TLN2: variants seen among roughly 807,000 people sequenced by gnomAD.
TLN2 encodes the protein talin 2.
Under a neutral mutation model 294.7 loss-of-function variants are expected in TLN2, and 118 were observed. The observed-to-expected ratio is 0.40, with a 90% confidence interval of 0.34 to 0.47. TLN2 has a LOEUF of 0.47. Among genes scored for constraint, TLN2 ranks in the 20% least tolerant of loss-of-function variants. The pLI, the probability that TLN2 is intolerant of heterozygous loss-of-function variation, is 0.84. For missense variants in TLN2, 3,083 were observed against 3,282.2 expected (o/e 0.94, Z 1.48); for synonymous variants, 1,431 against 1,304.5 (o/e 1.10, Z -2.09).
intron 11 of TLN2, among the ~76,000 whole-genome samples, chr15:62,679,972 A>T (rs2056661060): frequency 6.6e-6 from 1 of 152,184 alleles, no homozygotes; most frequent in African/African-American, 2.4e-5. Context: ...ATCATTTTCA[A>T]AATCTAGTTC....
chr15:62,816,477 A>G (rs1432482494), intron 52 of TLN2, among the ~76,000 whole-genome samples: 1 of 152,228 alleles, frequency 6.6e-6, no homozygotes, highest in African/African-American at 2.4e-5. Flanking sequence ...CAGAATAAAA[A>G]TAGAACTCCT....
intron 1 of TLN2, among the ~76,000 whole-genome samples, chr15:62,457,268 G>A (rs141913599): frequency 7.2e-4 from 109 of 152,308 alleles, no homozygotes; most frequent in Non-Finnish European, 1.3e-3. Context: ...GAGGGAGAGC[G>A]TGCGAGCGTG....
At chr15:62,814,258 G>C (rs1318220425) in intron 52 of TLN2, among the ~76,000 whole-genome samples, 3 of 152,198 alleles carry the variant, frequency 2.0e-5, no homozygotes, top group Non-Finnish European at 4.4e-5. Flanking sequence ...CTGAAAGAAG[G>C]GGAATACAAG....
At chr15:62,634,014 G>A (rs749585785) in intron 3 of TLN2, among the ~76,000 whole-genome samples, 11 of 152,072 alleles carry the variant, frequency 7.2e-5, no homozygotes, top group South Asian at 2.1e-4. Context: ...TAAGGACAAC[G>A]GTCAATTCGG....
At chr15:62,539,773 T>C (rs914380309) in intron 1 of TLN2, among the ~76,000 whole-genome samples, 5 of 151,888 alleles carry the variant, frequency 3.3e-5, no homozygotes, top group African/African-American at 1.2e-4. Context: ...TGCTTCTTGC[T>C]GTCTATCTGG....
chr15:62,710,509 C>G (rs988760652), intron 21 of TLN2, among the ~76,000 whole-genome samples: 13 of 152,134 alleles, frequency 8.5e-5, no homozygotes, highest in Admixed American at 2.6e-4. Flanking sequence ...TTTGACAATC[C>G]TTTTATTTTG....
chr15:62,567,626 G>C (rs143222622), intron 1 of TLN2, among the ~76,000 whole-genome samples: 2,233 of 149,750 alleles, frequency 0.015, 57 homozygotes, highest in African/African-American at 0.051. Context: ...CTTGAGGGCA[G>C]GAGTTTGAGA....
intron 46 of TLN2, among the ~76,000 whole-genome samples, chr15:62,793,855 G>A (rs1567618887): frequency 8.7e-6 from 1 of 114,374 alleles, no homozygotes; most frequent in Non-Finnish European, 2.1e-5. Flanking sequence ...TTGAGGGGCG[G>A]GCAGGGGGGA....
intron 1 of TLN2, among the ~76,000 whole-genome samples, chr15:62,522,051 A>G (rs1201908343): frequency 1.3e-5 from 2 of 152,094 alleles, no homozygotes; most frequent in African/African-American, 4.8e-5. Context: ...CCTTCCCATC[A>G]TGGCCAGAAA....
At chr15:62,671,697 T>C (rs1231372809) in intron 9 of TLN2, among the ~76,000 whole-genome samples, 1 of 152,232 alleles carries the variant, frequency 6.6e-6, no homozygotes, top group Non-Finnish European at 1.5e-5. Flanking sequence ...GTAGTAAATA[T>C]ATTTCTTGTA....
In TLN2 at chr15:62,697,736, C is replaced by T. The variant is rs766782206; in HGVS notation, c.1341C>T (p.His447=). ...QQFNRTGKAE[H]GSVALPAVMR... ...TCAACCGGACCGGGAAGGCAGAGCA[C>T]GGCTCAGTGGCGCTGCCGGCCGTGA... Residue 447 remains histidine (H), a synonymous_variant, in exon 15 of 59, where the codon CAC becomes CAT. Coordinates refer to ENST00000636159, the MANE Select transcript of TLN2 (RefSeq NM_015059.3). 3.2e-5 allele frequency: 51 copies of T among 1,610,188 alleles called. No homozygotes were observed. In the Middle Eastern group the frequency reaches 6.6e-4, roughly 21 times the overall value.
chr15:62,592,257 G>A (rs1364468639), intron 2 of TLN2, among the ~76,000 whole-genome samples: 2 of 152,196 alleles, frequency 1.3e-5, no homozygotes, highest in Non-Finnish European at 2.9e-5. Context: ...ACTCTGCGTT[G>A]ATTGGAATAT....
chr15:62,399,283 A>AAAAAAAT (rs2032831504), intron 1 of TLN2, among the ~76,000 whole-genome samples: 1 of 151,308 alleles, frequency 6.6e-6, no homozygotes. Context: ...AAAAAAAAAA[A>AAAAAAAT]AAGTAAGAAA....
At chr15:62,431,383 C>G (rs929865282) in intron 1 of TLN2, among the ~76,000 whole-genome samples, 7 of 152,222 alleles carry the variant, frequency 4.6e-5, no homozygotes, top group African/African-American at 1.7e-4. Context: ...GCCGAATGTT[C>G]TCTACATATT....
At chr15:62,587,701 T>C (rs983097427) in intron 1 of TLN2, among the ~76,000 whole-genome samples, 3 of 152,142 alleles carry the variant, frequency 2.0e-5, no homozygotes, top group Non-Finnish European at 4.4e-5. Context: ...TTCTTAGAAG[T>C]AGGATTGCTG....
At chr15:62,770,264 G>C (rs2063271398) in intron 41 of TLN2, among the ~76,000 whole-genome samples, 1 of 152,254 alleles carries the variant, frequency 6.6e-6, no homozygotes, top group East Asian at 1.9e-4. Flanking sequence ...GCCTGGCATA[G>C]GGGGTGCGCC....
intron 1 of TLN2, among the ~76,000 whole-genome samples, chr15:62,492,553 A>AAAAAAAAAG (rs1555416991): frequency 2.6e-5 from 4 of 151,376 alleles, no homozygotes; most frequent in African/African-American, 7.3e-5. Flanking sequence ...CAAAAAAAAA[A>AAAAAAAAAG]AAAAAAAGAA....
At chr15:62,699,002 G>A in intron 16 of TLN2, 135 bp downstream of exon 16, 1 of 851,216 alleles carries the variant, frequency 1.2e-6, no homozygotes, top group Non-Finnish European at 1.8e-6. Context: ...TCAGGATATT[G>A]AGTCTTTGCC....
At chr15:62,839,304 A>G (rs1456877669) in intron 58 of TLN2, among the ~76,000 whole-genome samples, 1 of 152,230 alleles carries the variant, frequency 6.6e-6, no homozygotes, top group Non-Finnish European at 1.5e-5. Context: ...TCAGCACTTA[A>G]TAATGTGCCC....
Sources: allele counts gnomAD v4.1 joint callset (sites outside exome capture counted in the v4.1 genomes callset), GRCh38; gene constraint gnomAD v4.1.1; transcripts MANE v1.5; gene names NCBI Gene and HGNC (gene_info 2026-07-23, HGNC 2026-07-21).